Variants in SPEN observed in about 807,000 individuals in gnomAD.
SPEN encodes the protein spen family transcriptional repressor.
Under a neutral mutation model 269.9 loss-of-function variants are expected in SPEN, and 18 were observed. That is an observed-to-expected ratio of 0.07 (90% CI 0.05 to 0.10). SPEN has a LOEUF of 0.10. Among genes scored for constraint, SPEN ranks in the 10% least tolerant of loss-of-function variants. SPEN has a pLI of 1.00. For missense variants in SPEN, 3,822 were observed against 4,631.2 expected (o/e 0.83, Z 5.07); for synonymous variants, 1,726 against 1,765.7 (o/e 0.98, Z 0.56).
chr1:15,885,058 CAAATT>C (rs983754009), intron 3 of SPEN, among the ~76,000 whole-genome samples: 28 of 152,138 alleles, frequency 1.8e-4, no homozygotes, highest in Admixed American at 1.8e-3. Flanking sequence ...AAGTATTAAA[CAAATT>C]AATAATTAGT....
At chr1:15,904,243 C>G (rs2070930512) in intron 3 of SPEN, among the ~76,000 whole-genome samples, 1 of 151,752 alleles carries the variant, frequency 6.6e-6, no homozygotes, top group Admixed American at 6.6e-5. Flanking sequence ...TTTGGGAGGC[C>G]AAGGCGGGTG....
chr1:15,887,878 C>T (rs1425982109), intron 3 of SPEN, among the ~76,000 whole-genome samples: 1 of 150,610 alleles, frequency 6.6e-6, no homozygotes, highest in African/African-American at 2.4e-5. Flanking sequence ...CAAAAATTAA[C>T]TGGGCATGGT....
Position 15,939,301 on chromosome 1 carries a change from C to T in SPEN, c.10869C>T (p.Ala3623=). The change falls in exon 15 of 15, where the codon GCC becomes GCT. Residue 3623 remains alanine (A), a synonymous_variant. Transcript: ENST00000375759. The surrounding 1 kb of genome is among the most constrained non-coding windows in gnomAD (Gnocchi z 4.1). ...GCTCTCTATCCTGTCTCCAGCCTGC[C>T]TACGTGCTGCAGATCTTCCCGCCCT... is the stretch of plus-strand genomic sequence containing the variant. ...NVPNPGSNQP[A]YVLQIFPPCE... is the part of the protein sequence containing the mutation. 6.3e-7 allele frequency: 1 copy of T among 1,588,146 alleles called. No homozygotes were observed. The highest frequency in any genetic ancestry group is 1.1e-5 in the South Asian group (1 of 87,456).
At position 15,936,034 on chromosome 1, in the gene SPEN, G is replaced by A. The variant is rs769505284; in HGVS notation, c.9794G>A (p.Gly3265Asp). ...CCTGCCCCTGCTCCTGCCCCTCATG[G>A]TGAGGCCCGTATCCTCACAGTTACC... ...PLPAPAPAPH[G>D]EARILTVTPS... Residue 3265 changes from glycine (G) to aspartate (D), a missense_variant, in exon 11 of 15, where the codon GGT (glycine) becomes GAT (aspartate). Physicochemically the swap from Gly to Asp is moderately conservative, Grantham distance 94. This residue lies in a region of SPEN where 359 missense variants were observed against 377.3 expected (regional missense o/e 0.95). Transcript: ENST00000375759. The A allele has an allele frequency of 1.3e-6, 2 of 1,586,006 alleles. No homozygotes were observed. The highest frequency in any genetic ancestry group is 1.4e-5 in the African/African-American group (1 of 72,080).
chr1:15,923,969 A>T (rs983863972), intron 10 of SPEN, among the ~76,000 whole-genome samples: 1 of 152,142 alleles, frequency 6.6e-6, no homozygotes, highest in Non-Finnish European at 1.5e-5. Context: ...CACCCGGCCT[A>T]CCTGGTGTTT....
At chr1:15,851,756 G>C (rs764302900) in intron 1 of SPEN, among the ~76,000 whole-genome samples, 10 of 152,072 alleles carry the variant, frequency 6.6e-5, no homozygotes, top group Non-Finnish European at 1.0e-4. Context: ...AGGCCGAGGC[G>C]GGCGGGTCAC....
At position 15,929,110 on chromosome 1, in the gene SPEN, G is replaced by C. The variant is rs781257111; in HGVS notation, c.2870G>C (p.Arg957Thr). 18 of 1,614,220 alleles carry C rather than the reference G, an allele frequency of 1.1e-5. No homozygotes were observed. Among genetic ancestry groups the C allele is most frequent in the Non-Finnish European group, 1.4e-5 (17 of 1,180,038 alleles). The change falls in exon 11 of 15, where the codon AGG becomes ACG. Residue 957 changes from arginine to threonine, a missense_variant. Physicochemically the swap from Arg to Thr is moderately conservative, Grantham distance 71. Transcript: ENST00000375759. The surrounding 1 kb of genome is among the most constrained non-coding windows in gnomAD (Gnocchi z 5.8). ...GTTGAAGTGGTGGAGAAGGAAGGCAGGCTTAAAGCCAGGAAGCACCTCAAG... is the reference window on the plus strand; with the variant it reads ...GTTGAAGTGGTGGAGAAGGAAGGCACGCTTAAAGCCAGGAAGCACCTCAAG... ...SHVEVVEKEG[R>T]LKARKHLKPE...
Position 15,931,531 on chromosome 1 carries a change from A to G in SPEN, c.5291A>G (p.Gln1764Arg). The G allele has an allele frequency of 6.2e-7, 1 of 1,612,656 alleles. No homozygotes were observed. The change falls in exon 11 of 15, where the codon CAG (glutamine) becomes CGG (arginine). Residue 1764 changes from glutamine (Q) to arginine (R), a missense_variant. By Grantham distance (43) the Gln-to-Arg change is conservative. Transcript: ENST00000375759. This position sits in a 1 kb window ranked among gnomAD's most constrained non-coding sequence, Gnocchi z 4.8. The part of the protein sequence containing the change: ...DSTQPLSKPA[Q>R]KSEEANEPKA... Reference sequence around the variant, plus strand: ...ACCCAGCCACTTTCAAAACCAGCTCAGAAGTCTGAGGAAGCCAATGAGCCA... The same window carrying G: ...ACCCAGCCACTTTCAAAACCAGCTCGGAAGTCTGAGGAAGCCAATGAGCCA...
chr1:15,853,760 C>G (rs1482054429), intron 1 of SPEN, among the ~76,000 whole-genome samples: 1 of 151,968 alleles, frequency 6.6e-6, no homozygotes, highest in Non-Finnish European at 1.5e-5. Flanking sequence ...CCTCTGCCTT[C>G]CCGGTTCAAG....
At chr1:15,878,070 C>G (rs146956920) in intron 3 of SPEN, among the ~76,000 whole-genome samples, 116 of 151,956 alleles carry the variant, frequency 7.6e-4, no homozygotes, top group African/African-American at 2.1e-3. Context: ...TAATAAGGAC[C>G]TTAATAAAGT....
At chr1:15,908,641 TCA>T (rs1039732489) in intron 3 of SPEN, among the ~76,000 whole-genome samples, 2 of 152,150 alleles carry the variant, frequency 1.3e-5, no homozygotes, top group Non-Finnish European at 2.9e-5. Flanking sequence ...CAGGATGATC[TCA>T]GTTTCTTGAC....
chr1:15,862,114 T>C (rs896283880), intron 1 of SPEN, among the ~76,000 whole-genome samples: 1 of 152,178 alleles, frequency 6.6e-6, no homozygotes, highest in African/African-American at 2.4e-5. Context: ...GGACTCTTGA[T>C]GTGGATTTTT....
In SPEN at chr1:15,933,147, G is replaced by A. The variant is rs374474494; in HGVS notation, c.6907G>A (p.Gly2303Arg). The change falls in exon 11 of 15, where the codon GGA becomes AGA. Residue 2303 changes from glycine to arginine, a missense_variant. Physicochemically the swap from Gly to Arg is moderately radical, Grantham distance 125. Around this residue, in one of 16 missense-constraint regions of SPEN, gnomAD observed 727 missense variants for 737.9 expected, o/e 0.99. Transcript: ENST00000375759. This position sits in a 1 kb window ranked among gnomAD's most constrained non-coding sequence, Gnocchi z 5.7. ...CCCAACAGATACCAAGGAAGCCAGA[G>A]GAAATAGCAGTGAAACCTCACACTC... is the stretch of plus-strand genomic sequence containing the variant. ...AGPTDTKEARGNSSETSHSVP... is the reference protein window; with the variant it reads ...AGPTDTKEARRNSSETSHSVP... 1.2e-6 allele frequency: 2 copies of A among 1,613,988 alleles called. No individual in the cohort carries two copies. Among genetic ancestry groups the A allele is most frequent in the African/African-American group, 2.7e-5 (2 of 74,908 alleles).
Position 15,937,398 on chromosome 1 carries a change from G to A in SPEN, c.10262G>A (p.Arg3421Lys). The A allele has an allele frequency of 6.2e-7, 1 of 1,613,860 alleles. No homozygotes were observed. Among genetic ancestry groups the A allele is most frequent in the Non-Finnish European group, 8.5e-7 (1 of 1,180,012 alleles). Reference protein sequence around the residue: ...RPPEPHTQVQRAQAETGPTSF... With the variant: ...RPPEPHTQVQKAQAETGPTSF... ...CCTGAGCCTCACACCCAGGTTCAGA[G>A]GGCACAAGCAGAAACAGGCCCGACT... Residue 3421 changes from arginine (R) to lysine (K), a missense_variant, in exon 12 of 15, where the codon AGG becomes AAG. Transcript: ENST00000375759. The surrounding 1 kb of genome is among the most constrained non-coding windows in gnomAD (Gnocchi z 5.7).
chr1:15,860,014 C>G (rs2070428263), intron 1 of SPEN, among the ~76,000 whole-genome samples: 1 of 140,080 alleles, frequency 7.1e-6, no homozygotes, highest in Non-Finnish European at 1.5e-5. Context: ...CGGGTTCATG[C>G]CATTCGCCTG....
rs2071311479 is a variant in SPEN, at chr1:15,939,226, C to T, written c.10864-70C>T. On this transcript the variant is annotated intron_variant, in intron 14 of 14. Coordinates refer to ENST00000375759, the MANE Select transcript of SPEN (RefSeq NM_015001.3). This position sits in a 1 kb window ranked among gnomAD's most constrained non-coding sequence, Gnocchi z 4.1. ...CTCTTAGCATTGGGCCTCTTCAGGG[C>T]TCCCCAATGGAAGTGGAGTTGTGGG... The T allele has an allele frequency of 3.4e-6, 5 of 1,488,144 alleles. No homozygotes were observed. The highest frequency in any genetic ancestry group is 1.8e-4 in the Middle Eastern group (1 of 5,534). The allele number at this position is 1,488,144 out of a possible 1,614,324, so 92.2% of individuals were successfully genotyped here. A position where few individuals can be genotyped will look rare whatever the true frequency, so the allele number is the denominator to read the frequency against.
intron 3 of SPEN, among the ~76,000 whole-genome samples, chr1:15,902,318 T>C (rs1489935859): frequency 6.6e-6 from 1 of 152,076 alleles, no homozygotes; most frequent in Non-Finnish European, 1.5e-5. Flanking sequence ...GTTTTTTGGG[T>C]GAAGTATATG....
At chr1:15,852,062 C>T (rs1182006582) in intron 1 of SPEN, among the ~76,000 whole-genome samples, 1 of 152,158 alleles carries the variant, frequency 6.6e-6, no homozygotes, top group Non-Finnish European at 1.5e-5. Flanking sequence ...AGTGGTTTTC[C>T]TGAGTTAAAT....
intron 10 of SPEN, among the ~76,000 whole-genome samples, chr1:15,926,781 C>G (rs575905065): frequency 6.6e-6 from 1 of 151,990 alleles, no homozygotes; most frequent in African/African-American, 2.4e-5. Context: ...CAAGCTCCGC[C>G]TCCCAGGTTC....
Sources: gnomAD v4.1 joint callset for allele counts (sites outside exome capture counted in the v4.1 genomes callset) on GRCh38, gnomAD v4.1.1 for gene constraint, gnomAD v4.1.1 regional missense constraint, Gnocchi (gnomAD v3.1) non-coding constraint, MANE v1.5 for transcripts, NCBI Gene and HGNC (gene_info 2026-07-23, HGNC 2026-07-21) for gene names.